The following NDC80 variants were observed in gnomAD, a reference collection of about 807,000 sequenced individuals.
NDC80 encodes kinetochore protein NDC80 homolog.
A neutral mutation model predicts 89.3 loss-of-function variants in NDC80; 69 were observed. The ratio of observed to expected loss-of-function variants is 0.77; its 90% CI spans 0.64 to 0.94. The LOEUF is 0.94. Among genes scored for constraint, NDC80 ranks in the 40% least tolerant of loss-of-function variants. The pLI, the probability that NDC80 is intolerant of heterozygous loss-of-function variation, is 0.00. For missense variants in NDC80, 593 were observed against 739.6 expected, an observed-to-expected ratio of 0.80 and a Z score of 2.30; for synonymous variants, 243 against 255.6, an observed-to-expected ratio of 0.95 and a Z score of 0.47.
intron 6 of NDC80, among the ~76,000 whole-genome samples, chr18:2,584,161 G>A (rs1476834840): frequency 6.6e-6 from 1 of 151,682 alleles, no homozygotes; most frequent in East Asian, 1.9e-4. Context: ...GGTGGCTCAT[G>A]CCTGTAATCC....
intron 6 of NDC80, among the ~76,000 whole-genome samples, chr18:2,580,728 C>A (rs1003181320): frequency 1.4e-5 from 1 of 72,980 alleles, no homozygotes; most frequent in Non-Finnish European, 3.1e-5. Context: ...GTCTCACCAT[C>A]AGATTTTTTT....
At position 2,577,782 on chromosome 18, in the gene NDC80, TA is replaced by T; in HGVS notation, c.217del (p.Ile73TyrfsTer42). On this transcript the variant is annotated frameshift_variant, in exon 4 of 17. Transcript: ENST00000261597. LOFTEE classifies it high-confidence loss of function. ...GHGSRNSQLG[I>X]FSSSEKIKDP... ...ATGGATCCCGGAATAGTCAACTTGG[TA>T]TATTTTCCAGTTCTGAGAAAATCAA... 1 of 1,614,114 alleles carries T rather than the reference TA, an allele frequency of 6.2e-7. No homozygotes were observed. Among genetic ancestry groups the T allele is most frequent in the East Asian group, 2.2e-5 (1 of 44,862 alleles).
intron 15 of NDC80, 125 bp downstream of exon 15, chr18:2,608,955 G>A: frequency 9.6e-7 from 1 of 1,045,884 alleles, no homozygotes; most frequent in Non-Finnish European, 1.3e-6. Flanking sequence ...TGGAAAGAAT[G>A]GTATATAGAA....
intron 12 of NDC80, 82 bp from the exon 13 acceptor site, chr18:2,601,314 C>T: frequency 2.0e-6 from 1 of 511,702 alleles, no homozygotes; most frequent in Non-Finnish European, 3.3e-6. Context: ...GTGACTCCTC[C>T]TATCACAGTG....
At chr18:2,599,571 G>A (rs2072673971) in intron 12 of NDC80, among the ~76,000 whole-genome samples, 1 of 152,126 alleles carries the variant, frequency 6.6e-6, no homozygotes, top group Non-Finnish European at 1.5e-5. Context: ...AGACATATAT[G>A]GGAAGGGTCT....
chr18:2,598,704 A>G (rs1211651331), intron 11 of NDC80, among the ~76,000 whole-genome samples: 1 of 152,188 alleles, frequency 6.6e-6, no homozygotes, highest in Non-Finnish European at 1.5e-5. Flanking sequence ...TAATTTCTTT[A>G]TCTGGCACTT....
intron 13 of NDC80, among the ~76,000 whole-genome samples, chr18:2,602,798 G>A (rs1284228324): frequency 6.6e-6 from 1 of 152,118 alleles, no homozygotes; most frequent in East Asian, 1.9e-4. Context: ...AGATTTTTAG[G>A]TTTACAAAAC....
In NDC80 at chr18:2,613,842, A is replaced by G. The variant is rs955597745; in HGVS notation, c.1792-2595A>G. Among the ~76,000 whole-genome samples, 4 of 152,238 alleles carry G rather than the reference A, an allele frequency of 2.6e-5. No individual in the cohort carries two copies. The East Asian group carries it at 7.7e-4, about 29-fold the overall frequency. On this transcript the variant is annotated intron_variant, in intron 16 of 16. Coordinates refer to ENST00000261597, the MANE Select transcript of NDC80 (RefSeq NM_006101.3). ...AGATGTTTTTTAAAACACAACTGGT[A>G]AAAGATTACCATCCAGATATACAAT...
intron 6 of NDC80, among the ~76,000 whole-genome samples, chr18:2,583,410 C>T (rs570068704): frequency 5.9e-4 from 90 of 152,208 alleles, no homozygotes; most frequent in African/African-American, 2.0e-3. Flanking sequence ...ATTATTAAAT[C>T]TGTGTGTTGG....
At chr18:2,582,915 AAT>A (rs1445567134) in intron 6 of NDC80, 1 of 152,176 alleles carries the variant, frequency 6.6e-6, no homozygotes, top group Non-Finnish European at 1.5e-5. Flanking sequence ...AAGTGATAAT[AAT>A]TTAGCTAAAG....
chr18:2,616,512 A>T lies in NDC80; in HGVS notation c.1867A>T (p.Ile623Phe). 1.3e-6 allele frequency: 2 copies of T among 1,509,208 alleles called. No homozygotes were observed. The highest frequency in any genetic ancestry group is 1.4e-5 in the African/African-American group (1 of 71,160). 93.5% of individuals were successfully genotyped at this position (1,509,208 alleles called of 1,614,324 possible). A position where few individuals can be genotyped will look rare whatever the true frequency, so the allele number is the denominator to read the frequency against. Residue 623 changes from isoleucine (I) to phenylalanine (F), a missense_variant, in exon 17 of 17, where the codon ATT becomes TTT. Transcript: ENST00000261597. ...CATGTCAGAAGATCTCTCGGAAAAT[A>T]TTAAAGAGATTAGAGATAAGTATGA... ...ECMSEDLSEN[I>F]KEIRDKYEKK... is the part of the protein sequence containing the mutation.
chr18:2,598,661 C>G (rs1479683724), intron 11 of NDC80, among the ~76,000 whole-genome samples: 1 of 152,126 alleles, frequency 6.6e-6, no homozygotes, highest in Non-Finnish European at 1.5e-5. Context: ...TGTACATTGA[C>G]AAAACTAAGA....
chr18:2,614,433 CTCAAAAAAAGAAAGAAAGAAAGAA>C (rs1259265455), intron 16 of NDC80: 1 of 181,144 alleles, frequency 5.5e-6, no homozygotes, highest in African/African-American at 2.8e-5. Flanking sequence ...AAGATGCTGT[CTCAAAAAAAGAAAGAAAGAAAGAA>C]AGAAAGAAAG....
intron 1 of NDC80, among the ~76,000 whole-genome samples, chr18:2,572,570 G>C (rs889192855): frequency 2.6e-5 from 4 of 152,190 alleles, no homozygotes; most frequent in African/African-American, 9.6e-5. Context: ...GTGAATAAGA[G>C]AATTTGAGGT....
intron 16 of NDC80, among the ~76,000 whole-genome samples, chr18:2,614,188 C>T (rs2072759331): frequency 6.6e-6 from 1 of 152,094 alleles, no homozygotes; most frequent in African/African-American, 2.4e-5. Flanking sequence ...CCTGTAATCC[C>T]AGCACTTTGG....
chr18:2,593,496 A>G (rs1199568442), intron 10 of NDC80, among the ~76,000 whole-genome samples: 1 of 152,180 alleles, frequency 6.6e-6, no homozygotes, highest in Non-Finnish European at 1.5e-5. Context: ...TTCCACTTCA[A>G]TGTGAAGTAG....
intron 1 of NDC80, among the ~76,000 whole-genome samples, chr18:2,572,750 C>T (rs563658757): frequency 9.9e-5 from 15 of 152,102 alleles, no homozygotes; most frequent in Non-Finnish European, 1.9e-4. Flanking sequence ...ATATAGTGGG[C>T]AGTTAATAAA....
rs200355974 is a variant in NDC80, at chr18:2,601,402, C to T, written c.1381C>T (p.Leu461Phe). ...VKYRAQVYVP[L>F]KELLNETEEE... Reference sequence around the variant, plus strand: ...ATTCCTATGTATTTTATAGGTACCTCTTAAGGAACTCCTGAATGAAACTGA... The same window carrying T: ...ATTCCTATGTATTTTATAGGTACCTTTTAAGGAACTCCTGAATGAAACTGA... Residue 461 changes from leucine (L) to phenylalanine (F), a missense_variant, in exon 13 of 17, where the codon CTT becomes TTT. Leu to Phe is a conservative substitution (Grantham distance 22). Coordinates refer to ENST00000261597, the MANE Select transcript of NDC80 (RefSeq NM_006101.3). 49 of 1,485,590 alleles carry T rather than the reference C, an allele frequency of 3.3e-5. No individual in the cohort carries two copies. Among genetic ancestry groups the T allele is most frequent in the Middle Eastern group, 1.8e-4 (1 of 5,622 alleles). 92.0% of individuals were successfully genotyped at this position (1,485,590 alleles called of 1,614,324 possible).
At chr18:2,612,292 T>C (rs1213383007) in intron 16 of NDC80, among the ~76,000 whole-genome samples, 5 of 130,282 alleles carry the variant, frequency 3.8e-5, no homozygotes, top group Admixed American at 7.8e-5. Flanking sequence ...TTTTTTTTTT[T>C]TTTTTTTTTT....
Sources: gnomAD v4.1 joint callset for allele counts (sites outside exome capture counted in the v4.1 genomes callset) on GRCh38, gnomAD v4.1.1 for gene constraint, MANE v1.5 for transcripts, NCBI Gene and HGNC (gene_info 2026-07-23, HGNC 2026-07-21) for gene names.